Variants in ITPR2 observed in about 807,000 individuals in gnomAD.
The protein encoded by ITPR2 is inositol 1,4,5-trisphosphate receptor type 2, also known as inositol 1,4,5-trisphosphate-gated calcium channel ITPR2.
In ITPR2, 207 loss-of-function variants were observed where a neutral mutation model predicts 317.1. The observed-to-expected ratio is 0.65, with a 90% CI of 0.58 to 0.73. The LOEUF is 0.73. Ranked by LOEUF, ITPR2 falls within the 30% of genes least tolerant of loss-of-function variation. The pLI, the probability that ITPR2 is intolerant of heterozygous loss-of-function variation, is 0.00. For missense variants in ITPR2, 2,613 were observed against 3,284.0 expected (o/e 0.80, Z 4.99); for synonymous variants, 1,156 against 1,149.1 (o/e 1.01, Z -0.12).
chr12:26,589,240 A>T (rs1945622432), intron 32 of ITPR2, among the ~76,000 whole-genome samples: 1 of 152,196 alleles, frequency 6.6e-6, no homozygotes, highest in South Asian at 2.1e-4. Context: ...AGAATGTGAA[A>T]CAATCTAGCA....
chr12:26,359,219 C>T (rs1371158501), intron 55 of ITPR2, among the ~76,000 whole-genome samples: 6 of 152,142 alleles, frequency 3.9e-5, no homozygotes, highest in Non-Finnish European at 5.9e-5. Context: ...GAAAGTGTCC[C>T]GCCACTGCTA....
intron 49 of ITPR2, among the ~76,000 whole-genome samples, chr12:26,421,773 C>T (rs1329234945): frequency 2.6e-5 from 4 of 152,160 alleles, no homozygotes; most frequent in East Asian, 1.9e-4. Flanking sequence ...AGTCAACACA[C>T]AAATTTCAAT....
At chr12:26,655,612 TCAAAA>T in intron 20 of ITPR2, 91 bp downstream of exon 20, 2 of 820,634 alleles carry the variant, frequency 2.4e-6, no homozygotes, top group Admixed American at 6.8e-5. Flanking sequence ...AGACTCTGTC[TCAAAA>T]AAAAAAAAAA....
At chr12:26,627,263 A>G (rs913524770) in intron 23 of ITPR2, 4 of 152,198 alleles carry the variant, frequency 2.6e-5, no homozygotes, top group African/African-American at 9.7e-5. Context: ...TATCCTTCTG[A>G]TAACTACATT....
At chr12:26,378,351 G>A (rs1414291325) in intron 55 of ITPR2, among the ~76,000 whole-genome samples, 4 of 152,026 alleles carry the variant, frequency 2.6e-5, no homozygotes, top group Non-Finnish European at 4.4e-5. Context: ...CACGTGGGCC[G>A]AGGCTCCCAT....
chr12:26,400,398 CATACA>C (rs1308993734), intron 52 of ITPR2, 140 bp from the exon 53 acceptor site: 2 of 345,208 alleles, frequency 5.8e-6, no homozygotes, highest in Admixed American at 4.6e-5. Flanking sequence ...TGTAAATATA[CATACA>C]ATAAATAAAT....
chr12:26,472,026 CA>C (rs1942301323), intron 45 of ITPR2, among the ~76,000 whole-genome samples: 1 of 152,182 alleles, frequency 6.6e-6, no homozygotes. Context: ...TAGAGAAAGC[CA>C]AGGAGTCACC....
At chr12:26,717,089 A>C (rs1020685192) in intron 5 of ITPR2, among the ~76,000 whole-genome samples, 1 of 152,222 alleles carries the variant, frequency 6.6e-6, no homozygotes, top group African/African-American at 2.4e-5. Context: ...GAATTTATTT[A>C]GAAGACATAT....
In ITPR2 at chr12:26,338,863, T is replaced by G. The variant is rs1243735200; in HGVS notation, c.*534A>C. The G allele has an allele frequency of 6.6e-6, 1 of 152,528 alleles. No individual in the cohort carries two copies. The highest frequency in any genetic ancestry group is 1.5e-5 in the Non-Finnish European group (1 of 68,264). The allele number at this position is 152,528 out of a possible 1,614,324, so 9.4% of individuals were successfully genotyped here. ...CATGTTATAAATAAAGAAATTGCCC[T>G]GTGACAGCTACAGTTTGGAAGCATT... On this transcript the variant is annotated 3_prime_UTR_variant, in exon 57 of 57. Transcript: ENST00000381340.
intron 55 of ITPR2, among the ~76,000 whole-genome samples, chr12:26,371,535 T>A (rs1189857379): frequency 6.6e-6 from 1 of 152,208 alleles, no homozygotes; most frequent in Non-Finnish European, 1.5e-5. Context: ...TATGACGAAG[T>A]GCTCTTATAG....
rs369240300 is a variant in ITPR2, at chr12:26,495,246, T to C, written c.5088A>G (p.Arg1696=). The part of the protein sequence containing the change: ...DSFVEEGNTL[R]KILLNRYFKG... Reference sequence around the variant, plus strand: ...TAAAGTATCGATTCAGAAGTATCTTTCTTAATGTGTTACCCTAATAAGAAG... The same window carrying C: ...TAAAGTATCGATTCAGAAGTATCTTCCTTAATGTGTTACCCTAATAAGAAG... The change falls in exon 38 of 57, where the codon AGA becomes AGG. Residue 1696 remains arginine, a synonymous_variant. Coordinates refer to ENST00000381340, the MANE Select transcript of ITPR2 (RefSeq NM_002223.4). 6.4e-7 allele frequency: 1 copy of C among 1,569,760 alleles called. No homozygotes were observed. Among genetic ancestry groups the C allele is most frequent in the Non-Finnish European group, 8.8e-7 (1 of 1,140,802 alleles).
At chr12:26,732,462 G>A (rs1949043017) in intron 2 of ITPR2, among the ~76,000 whole-genome samples, 1 of 152,134 alleles carries the variant, frequency 6.6e-6, no homozygotes, top group Non-Finnish European at 1.5e-5. Flanking sequence ...ACCTCTTAGT[G>A]GTAGGGACAC....
chr12:26,783,250 A>C (rs1950127593), intron 2 of ITPR2, among the ~76,000 whole-genome samples: 1 of 152,226 alleles, frequency 6.6e-6, no homozygotes, highest in South Asian at 2.1e-4. Context: ...TGCTTGCCAG[A>C]AGTGGCCCCA....
chr12:26,595,796 C>T (rs1306297818), intron 31 of ITPR2, among the ~76,000 whole-genome samples: 1 of 152,180 alleles, frequency 6.6e-6, no homozygotes, highest in Non-Finnish European at 1.5e-5. Context: ...GTACTCCATC[C>T]CCCTGGGCCA....
chr12:26,539,773 C>T (rs1398242636), intron 37 of ITPR2, among the ~76,000 whole-genome samples: 1 of 152,184 alleles, frequency 6.6e-6, no homozygotes, highest in African/African-American at 2.4e-5. Flanking sequence ...TGCTGCCCAC[C>T]CAAGTTTGCA....
chr12:26,338,573 T>C lies in ITPR2; in HGVS notation c.*824A>G, dbSNP rs973602673. 1.3e-5 allele frequency: 2 copies of C among 152,350 alleles called. No individual in the cohort carries two copies. Among genetic ancestry groups the C allele is most frequent in the African/African-American group, 4.8e-5 (2 of 41,460 alleles). 9.4% of individuals were successfully genotyped at this position (152,350 alleles called of 1,614,324 possible). On this transcript the variant is annotated 3_prime_UTR_variant, in exon 57 of 57. Transcript: ENST00000381340. ...ATTTTCATGTATTAATCTCAATATA[T>C]TTTAATAGCATACATATGGTCTCAA...
intron 1 of ITPR2, among the ~76,000 whole-genome samples, chr12:26,795,506 C>A (rs1438594035): frequency 1.3e-5 from 2 of 152,044 alleles, no homozygotes; most frequent in African/African-American, 2.4e-5. Flanking sequence ...AGTTTGTCTA[C>A]ATTAAAAGTA....
At chr12:26,634,750 T>C (rs1166258484) in intron 21 of ITPR2, among the ~76,000 whole-genome samples, 1 of 151,826 alleles carries the variant, frequency 6.6e-6, no homozygotes, top group Non-Finnish European at 1.5e-5. Flanking sequence ...CCGGGCGTGC[T>C]TGTGGGCACT....
chr12:26,602,453 A>C lies in ITPR2; in HGVS notation c.3595T>G (p.Cys1199Gly), dbSNP rs766776857. 1 of 1,613,778 alleles carries C rather than the reference A, an allele frequency of 6.2e-7. No individual in the cohort carries two copies. Among genetic ancestry groups the C allele is most frequent in the East Asian group, 2.2e-5 (1 of 44,862 alleles). Residue 1199 changes from cysteine to glycine, a missense_variant, in exon 28 of 57, where the codon TGT becomes GGT. Cys to Gly is a radical substitution (Grantham distance 159). Coordinates refer to ENST00000381340, the MANE Select transcript of ITPR2 (RefSeq NM_002223.4). ...AGTAATCGTTGATGTTGATTCCGAC[A>C]CTTTTTATTCTGCACACAGAGTTTA... ...LSKLCVQNKK[C>G]RNQHQRLLKN...
Sources: gnomAD v4.1 joint callset for allele counts (sites outside exome capture counted in the v4.1 genomes callset) on GRCh38, gnomAD v4.1.1 for gene constraint, MANE v1.5 for transcripts, NCBI Gene and HGNC (gene_info 2026-07-23, HGNC 2026-07-21) for gene names.